The following CCT4 variants were observed in gnomAD, a reference collection of about 807,000 sequenced individuals.
CCT4 encodes T-complex protein 1 subunit delta.
CCT4 carries 17 observed loss-of-function variants against 62.5 expected under a neutral mutation model. That is an observed-to-expected ratio of 0.27 (90% CI 0.19 to 0.41). The LOEUF (loss-of-function observed/expected upper bound fraction) is 0.41. Ranked by LOEUF, CCT4 falls within the 10% of genes least tolerant of loss-of-function variation. CCT4 has a pLI of 1.00. For missense variants in CCT4, 592 were observed against 659.2 expected, an observed-to-expected ratio of 0.90 and a Z score of 1.12; for synonymous variants, 250 against 229.9, an observed-to-expected ratio of 1.09 and a Z score of -0.79.
chr2:61,868,985 A>C, intron 13 of CCT4: 1 of 360,578 alleles, frequency 2.8e-6, no homozygotes, highest in Non-Finnish European at 5.3e-6. Flanking sequence ...AAATACAAAA[A>C]TTAGCTGGGT....
intron 8 of CCT4, among the ~76,000 whole-genome samples, chr2:61,875,017 C>T (rs1421878451): frequency 6.6e-6 from 1 of 152,030 alleles, no homozygotes; most frequent in East Asian, 1.9e-4. Context: ...TGGCACATGC[C>T]TGTAATCCCA....
rs1190351061 is a variant in CCT4, at chr2:61,885,094, A to G, written c.128-22T>C. On this transcript the variant is annotated intron_variant, in intron 1 of 13. Coordinates refer to ENST00000394440, the MANE Select transcript of CCT4 (RefSeq NM_006430.4). ...ACCGCTGCAGATGGGGGGGAAAAAA[A>G]AGAAAACAAATTAGAACTTTTTTTT... 2.0e-6 allele frequency: 3 copies of G among 1,523,968 alleles called. No homozygotes were observed. In the South Asian group the frequency reaches 3.9e-5, roughly 20 times the overall value. The allele number at this position is 1,523,968 out of a possible 1,614,324, so 94.4% of individuals were successfully genotyped here. A position where few individuals can be genotyped will look rare whatever the true frequency, so the allele number is the denominator to read the frequency against.
intron 5 of CCT4, 66 bp downstream of exon 5, chr2:61,878,803 C>T (rs1201981028): frequency 1.0e-5 from 11 of 1,081,480 alleles, no homozygotes; most frequent in Non-Finnish European, 1.5e-5. Context: ...TACCGTATAG[C>T]ATCAAGAATC....
chr2:61,874,439 T>C (rs780744725), intron 8 of CCT4, among the ~76,000 whole-genome samples: 4 of 151,518 alleles, frequency 2.6e-5, no homozygotes, highest in Admixed American at 6.6e-5. Flanking sequence ...ACCAACATGA[T>C]AAAACCTCAT....
chr2:61,888,589 G>C lies in CCT4; in HGVS notation c.-82C>G, dbSNP rs1014422955. The C allele has an allele frequency of 1.4e-6, 2 of 1,473,550 alleles. No homozygotes were observed. Among genetic ancestry groups the C allele is most frequent in the Non-Finnish European group, 1.8e-6 (2 of 1,097,960 alleles). 91.3% of individuals were successfully genotyped at this position (1,473,550 alleles called of 1,614,324 possible). A position where few individuals can be genotyped will look rare whatever the true frequency, so the allele number is the denominator to read the frequency against. ...GCCGGCCGCAGTGTAATAACGGTAA[G>C]CCCTCACTGCCTTCACGAACCTTCC... On this transcript the variant is annotated 5_prime_UTR_variant, in exon 1 of 14. Coordinates refer to ENST00000394440, the MANE Select transcript of CCT4 (RefSeq NM_006430.4).
rs1558508161 is a variant in CCT4, at chr2:61,883,564, T to G, written c.181-16A>C. ...CATCTTGAATCTAGAAAAAAAATTT[T>G]AAAGTTATATTTCAATGTCACACCT... is the stretch of plus-strand genomic sequence containing the variant. On this transcript the variant is annotated splice_polypyrimidine_tract_variant and intron_variant, in intron 2 of 13. Coordinates refer to ENST00000394440, the MANE Select transcript of CCT4 (RefSeq NM_006430.4). 1 of 1,310,062 alleles carries G rather than the reference T, an allele frequency of 7.6e-7. No individual in the cohort carries two copies. Among genetic ancestry groups the G allele is most frequent in the East Asian group, 2.3e-5 (1 of 43,456 alleles). 81.2% of individuals were successfully genotyped at this position (1,310,062 alleles called of 1,614,324 possible). A position where few individuals can be genotyped will look rare whatever the true frequency, so the allele number is the denominator to read the frequency against.
Position 61,878,947 on chromosome 2 carries a change from C to T in CCT4, c.444G>A (p.Leu148=). Residue 148 remains leucine (L), a synonymous_variant, in exon 5 of 14, where the codon TTG becomes TTA. Coordinates refer to ENST00000394440, the MANE Select transcript of CCT4 (RefSeq NM_006430.4). ...GTTCCACAGGTCGAGACATGTCAGT[C>T]AAGATTTCAATGCCCTTTTCCAGGG... ...QKALEKGIEI[L]TDMSRPVELS... 2 of 1,611,110 alleles carry T rather than the reference C, an allele frequency of 1.2e-6. No homozygotes were observed. Among genetic ancestry groups the T allele is most frequent in the East Asian group, 2.2e-5 (1 of 44,796 alleles).
At position 61,869,525 on chromosome 2, in the gene CCT4, A is replaced by G; in HGVS notation, c.1520T>C (p.Leu507Pro). 6.2e-7 allele frequency: 1 copy of G among 1,610,864 alleles called. No individual in the cohort carries two copies. Residue 507 changes from leucine to proline, a missense_variant, in exon 13 of 14, where the codon CTG becomes CCG. Coordinates refer to ENST00000394440, the MANE Select transcript of CCT4 (RefSeq NM_006430.4). ...TGATACCAACAGAGGCTGGACAACC[A>G]GTTCCTCCAAAATGTTGGAAATACC... is the stretch of plus-strand genomic sequence containing the variant. ...KGGISNILEE[L>P]VVQPLLVSVS...
intron 1 of CCT4, chr2:61,886,017 CTT>C (rs1375880925): frequency 6.6e-6 from 1 of 152,186 alleles, no homozygotes; most frequent in East Asian, 1.9e-4. Context: ...AGAGCAAAGA[CTT>C]TTGTTCACTA....
At chr2:61,880,458 C>A in intron 3 of CCT4, 64 bp from the exon 4 acceptor site, 1 of 811,116 alleles carries the variant, frequency 1.2e-6, no homozygotes, top group South Asian at 1.5e-5. Flanking sequence ...ACACCTAATT[C>A]AAATAATCGC....
At position 61,878,778 on chromosome 2, in the gene CCT4, G is replaced by A. The variant is rs1572920773; in HGVS notation, c.522+91C>T. 4.9e-6 allele frequency: 4 copies of A among 819,678 alleles called. No individual in the cohort carries two copies. The East Asian group carries it at 1.1e-4, about 22-fold the overall frequency. 50.8% of individuals were successfully genotyped at this position (819,678 alleles called of 1,614,324 possible). On this transcript the variant is annotated intron_variant, in intron 5 of 13. Transcript: ENST00000394440. The stretch of plus-strand genomic sequence containing the variant: ...ATAACAGTTACCTAGCCACTCTTGA[G>A]ATTTAGTATTTATGTACCGTATAGC...
intron 12 of CCT4, among the ~76,000 whole-genome samples, chr2:61,871,198 AT>A (rs200471407): frequency 5.0e-4 from 74 of 146,980 alleles, no homozygotes; most frequent in Admixed American, 7.5e-4. Context: ...CGCCTGGCTA[AT>A]TTTTTTTTTT....
chr2:61,876,043 G>C (rs959485133), intron 8 of CCT4, 52 bp downstream of exon 8: 1 of 1,229,450 alleles, frequency 8.1e-7, no homozygotes, highest in Non-Finnish European at 1.2e-6. Context: ...TAAACTGCTA[G>C]TGGAGATCCA....
At chr2:61,875,256 G>A (rs1296468365) in intron 8 of CCT4, among the ~76,000 whole-genome samples, 1 of 151,638 alleles carries the variant, frequency 6.6e-6, no homozygotes, top group Non-Finnish European at 1.5e-5. Context: ...ATTTCTGGTG[G>A]TTTACCCAAC....
At position 61,876,234 on chromosome 2, in the gene CCT4, T is replaced by C; in HGVS notation, c.778A>G (p.Met260Val). The change falls in exon 8 of 14, where the codon ATG (methionine) becomes GTG (valine). Residue 260 changes from methionine (M) to valine (V), a missense_variant and splice_region_variant. Coordinates refer to ENST00000394440, the MANE Select transcript of CCT4 (RefSeq NM_006430.4). The part of the protein sequence containing the change: ...QFCLSAPKTD[M>V]DNQIVVSDYA... ...TCAGAAACCACTATTTGATTATCCA[T>C]CTGTTCAGAAAAAGAACATCATAAT... is the stretch of plus-strand genomic sequence containing the variant. 11 of 1,591,494 alleles carry C rather than the reference T, an allele frequency of 6.9e-6. No homozygotes were observed. Among genetic ancestry groups the C allele is most frequent in the African/African-American group, 1.4e-5 (1 of 73,998 alleles).
chr2:61,872,820 G>C (rs957994968), intron 10 of CCT4, among the ~76,000 whole-genome samples, 182 bp downstream of exon 10: 9 of 152,242 alleles, frequency 5.9e-5, no homozygotes, highest in Non-Finnish European at 1.3e-4. Context: ...CCAGCTTCCC[G>C]GGAGGCTGAG....
chr2:61,874,581 A>G (rs1025544216), intron 8 of CCT4, among the ~76,000 whole-genome samples: 2 of 151,918 alleles, frequency 1.3e-5, no homozygotes, highest in African/African-American at 4.8e-5. Context: ...ATTGTACTCT[A>G]GCGTGGGTGA....
chr2:61,880,241 T>TC (rs5831625), intron 4 of CCT4, 45 bp downstream of exon 4: 990,445 of 1,019,390 alleles, frequency 0.97, 481,402 homozygotes, highest in East Asian at 0.99. Flanking sequence ...TAAAGTTTGT[T>TC]TTTTAAACTT....
intron 12 of CCT4, among the ~76,000 whole-genome samples, chr2:61,870,185 A>G (rs1572913449): frequency 6.6e-6 from 1 of 151,630 alleles, no homozygotes; most frequent in African/African-American, 2.4e-5. Flanking sequence ...GCTGAGGCAG[A>G]AGAATCGCTT....
Sources: gnomAD v4.1 joint callset for allele counts (sites outside exome capture counted in the v4.1 genomes callset) on GRCh38, gnomAD v4.1.1 for gene constraint, MANE v1.5 for transcripts, NCBI Gene and HGNC (gene_info 2026-07-23, HGNC 2026-07-21) for gene names.